Variants in CLIP1 observed in about 807,000 individuals in gnomAD.
CLIP1 encodes the protein CAP-Gly domain-containing linker protein 1.
In CLIP1, 66 loss-of-function variants were observed where a neutral mutation model predicts 161.6. That is an observed-to-expected ratio of 0.41 (90% CI 0.33 to 0.50). The LOEUF (loss-of-function observed/expected upper bound fraction) is 0.50. CLIP1 is among the 20% of genes least tolerant of loss of function. CLIP1 has a pLI of 0.27. For synonymous variants in CLIP1, 598 were observed against 626.2 expected (o/e 0.96, Z 0.67); for missense variants, 1,376 against 1,702.0 (o/e 0.81, Z 3.37).
intron 19 of CLIP1, among the ~76,000 whole-genome samples, chr12:122,313,056 G>A (rs891270916): frequency 6.6e-6 from 1 of 152,136 alleles, no homozygotes; most frequent in Non-Finnish European, 1.5e-5. Flanking sequence ...GTCATCAGGG[G>A]CAGGGGCTTT....
chr12:122,356,628 C>T (rs137950575), intron 5 of CLIP1, among the ~76,000 whole-genome samples: 2,529 of 151,618 alleles, frequency 0.017, 62 homozygotes, highest in African/African-American at 0.054. Flanking sequence ...CCCTCTCTCC[C>T]TCTCCCTCTC....
chr12:122,414,525 C>T (rs894580316), intron 1 of CLIP1, among the ~76,000 whole-genome samples: 19 of 151,604 alleles, frequency 1.3e-4, no homozygotes, highest in Non-Finnish European at 2.4e-4. Flanking sequence ...AGTGCAATGG[C>T]GCAATCTCAG....
intron 3 of CLIP1, among the ~76,000 whole-genome samples, chr12:122,371,643 G>A (rs2136703875): frequency 6.6e-6 from 1 of 152,290 alleles, no homozygotes; most frequent in Admixed American, 6.5e-5. Flanking sequence ...AGATGATGAT[G>A]GCCTGACCCA....
intron 3 of CLIP1, chr12:122,365,498 A>C: frequency 1.2e-6 from 1 of 807,598 alleles, no homozygotes; most frequent in Non-Finnish European, 2.2e-6. Context: ...TCAGAAAAAG[A>C]AAGAAGCCAA....
At chr12:122,315,703 C>A (rs1481882270) in intron 19 of CLIP1, among the ~76,000 whole-genome samples, 1 of 149,598 alleles carries the variant, frequency 6.7e-6, no homozygotes, top group Admixed American at 6.7e-5. Flanking sequence ...TGCAGTGGCT[C>A]GATCTCGGCT....
chr12:122,346,191 G>A (rs1423593313), intron 10 of CLIP1, among the ~76,000 whole-genome samples: 1 of 152,136 alleles, frequency 6.6e-6, no homozygotes, highest in Non-Finnish European at 1.5e-5. Context: ...TGCAAATCCT[G>A]CCTCCATTAT....
At chr12:122,293,456 T>G (rs1157105557) in intron 20 of CLIP1, among the ~76,000 whole-genome samples, 1 of 151,912 alleles carries the variant, frequency 6.6e-6, no homozygotes, top group African/African-American at 2.4e-5. Context: ...AGTACTAATT[T>G]TGGAAAATGG....
chr12:122,340,131 G>A (rs1952429480), intron 11 of CLIP1, among the ~76,000 whole-genome samples: 2 of 150,526 alleles, frequency 1.3e-5, no homozygotes, highest in Admixed American at 6.6e-5. Context: ...AGGCTGGAGT[G>A]CAGTGGAATA....
At chr12:122,416,108 G>A (rs1006939784) in intron 1 of CLIP1, among the ~76,000 whole-genome samples, 4 of 150,548 alleles carry the variant, frequency 2.7e-5, no homozygotes, top group Non-Finnish European at 4.4e-5. Context: ...CGTGGTGGCA[G>A]GCGCCTGTAA....
rs1955568248 is a variant in CLIP1 at position 122,279,696 on chromosome 12, TTA to T, written c.3648-553_3648-552del. On this transcript the variant is annotated intron_variant, in intron 21 of 25. Coordinates refer to ENST00000620786, the MANE Select transcript of CLIP1 (RefSeq NM_001247997.2). This position sits in a 1 kb window ranked among gnomAD's most constrained non-coding sequence, Gnocchi z 4.5. ...TGGGCCAAAACAGTAGTAAAGATTA[TTA>T]TTATTACTCAAACTGAAGGATTATT... 1 of 152,200 alleles carries T rather than the reference TTA, an allele frequency of 6.6e-6. No homozygotes were observed. The allele number at this position is 152,200 out of a possible 1,614,324, so 9.4% of individuals were successfully genotyped here. A position where few individuals can be genotyped will look rare whatever the true frequency, so the allele number is the denominator to read the frequency against.
At chr12:122,303,042 A>G (rs1950749057) in intron 20 of CLIP1, among the ~76,000 whole-genome samples, 1 of 152,082 alleles carries the variant, frequency 6.6e-6, no homozygotes, top group South Asian at 2.1e-4. Flanking sequence ...TTTCCTTTAT[A>G]TTTTAAGAAA....
At chr12:122,373,112 T>C (rs990882722) in intron 3 of CLIP1, among the ~76,000 whole-genome samples, 2 of 151,864 alleles carry the variant, frequency 1.3e-5, no homozygotes, top group African/African-American at 4.8e-5. Flanking sequence ...CCTACGGTAA[T>C]AAAAAAAATT....
chr12:122,393,204 C>A (rs1174845220), intron 1 of CLIP1, among the ~76,000 whole-genome samples: 3 of 150,622 alleles, frequency 2.0e-5, no homozygotes, highest in African/African-American at 7.4e-5. Flanking sequence ...CACTCTGTCA[C>A]CTAGGCTGGA....
chr12:122,284,851 T>C (rs1955787190), intron 21 of CLIP1, among the ~76,000 whole-genome samples: 1 of 152,204 alleles, frequency 6.6e-6, no homozygotes. Flanking sequence ...AATCTGATGA[T>C]CTGAGTCTTT....
intron 1 of CLIP1, among the ~76,000 whole-genome samples, chr12:122,411,930 A>C (rs1956548288): frequency 6.6e-6 from 1 of 152,074 alleles, no homozygotes; most frequent in South Asian, 2.1e-4. Flanking sequence ...ATACTAAAAA[A>C]CCACTGAATT....
chr12:122,366,140 C>G (rs981653099), intron 3 of CLIP1, among the ~76,000 whole-genome samples: 8 of 151,992 alleles, frequency 5.3e-5, no homozygotes, highest in Admixed American at 5.2e-4. Flanking sequence ...AAACCTGTCT[C>G]TACTAAAAAT....
At chr12:122,310,704 G>C (rs1184983416) in intron 19 of CLIP1, among the ~76,000 whole-genome samples, 1 of 152,148 alleles carries the variant, frequency 6.6e-6, no homozygotes, top group African/African-American at 2.4e-5. Context: ...ATGCTATAGA[G>C]GGTTTTGATG....
At chr12:122,354,784 C>T (rs1953248100) in intron 6 of CLIP1, 3 of 576,568 alleles carry the variant, frequency 5.2e-6, no homozygotes, top group Non-Finnish European at 9.3e-6. Flanking sequence ...TTTTTTGAAG[C>T]TGAAACACAT....
Position 122,278,917 on chromosome 12 carries a change from G to T in CLIP1, c.3791C>A (p.Ala1264Asp), listed in dbSNP as rs773928829. 1 of 1,611,662 alleles carries T rather than the reference G, an allele frequency of 6.2e-7. No homozygotes were observed. Among genetic ancestry groups the T allele is most frequent in the Non-Finnish European group, 8.5e-7 (1 of 1,179,464 alleles). Residue 1264 changes from alanine to aspartate, a missense_variant, in exon 23 of 26, where the codon GCC becomes GAC. Around this residue, in one of 6 missense-constraint regions of CLIP1, gnomAD observed 948 missense variants for 1,134.8 expected, o/e 0.84. Coordinates refer to ENST00000620786, the MANE Select transcript of CLIP1 (RefSeq NM_001247997.2). ...AACTGAATGCAAGGACTTGGCAGAG[G>T]CGTTTTCTCCCCTGAGCACTGTGAC... ...NEVTVLRGENASAKSLHSVVQ... is the reference protein window; with the variant it reads ...NEVTVLRGENDSAKSLHSVVQ...
Sources: gnomAD v4.1 joint callset for allele counts (sites outside exome capture counted in the v4.1 genomes callset) on GRCh38, gnomAD v4.1.1 for gene constraint, gnomAD v4.1.1 regional missense constraint, Gnocchi (gnomAD v3.1) non-coding constraint, MANE v1.5 for transcripts, NCBI Gene and HGNC (gene_info 2026-07-23, HGNC 2026-07-21) for gene names.